The following GFPT2 variants were observed in gnomAD, a reference collection of about 807,000 sequenced individuals.
The protein encoded by GFPT2 is glutamine--fructose-6-phosphate aminotransferase [isomerizing] 2.
GFPT2 carries 62 observed loss-of-function variants against 85.6 expected under a neutral mutation model. That is an observed-to-expected ratio of 0.72 (90% confidence interval 0.59 to 0.90). The LOEUF (loss-of-function observed/expected upper bound fraction) is 0.90. Ranked by LOEUF, GFPT2 falls within the 40% of genes least tolerant of loss-of-function variation. GFPT2 has a pLI of 0.00. For missense variants in GFPT2, 788 were observed against 893.4 expected (o/e 0.88, Z 1.50); for synonymous variants, 368 against 344.5 (o/e 1.07, Z -0.75).
chr5:180,345,534 G>A (rs1283176958), intron 1 of GFPT2, among the ~76,000 whole-genome samples: 2 of 152,260 alleles, frequency 1.3e-5, no homozygotes, highest in African/African-American at 2.4e-5. Flanking sequence ...CATTCTGCAG[G>A]TTTTAGCAGA....
intron 1 of GFPT2, among the ~76,000 whole-genome samples, chr5:180,350,057 C>A (rs1395470014): frequency 6.6e-6 from 1 of 152,120 alleles, no homozygotes; most frequent in Non-Finnish European, 1.5e-5. Context: ...CCACCCCCTC[C>A]TCTCTGCAGG....
chr5:180,350,308 A>G (rs1051569410), intron 1 of GFPT2, among the ~76,000 whole-genome samples: 1 of 152,192 alleles, frequency 6.6e-6, no homozygotes, highest in Admixed American at 6.5e-5. Flanking sequence ...ACTCCCACCT[A>G]CTTATGTGAA....
chr5:180,307,608 C>T (rs899360086), intron 15 of GFPT2, among the ~76,000 whole-genome samples: 1 of 152,158 alleles, frequency 6.6e-6, no homozygotes, highest in African/African-American at 2.4e-5. Context: ...AAATCACCCA[C>T]TGGAGACAGA....
At position 180,328,358 on chromosome 5, in the gene GFPT2, G is replaced by A; in HGVS notation, c.535-20C>T. ...ACCTTCCTGAAAACACACAAACAGTGAGGGTCAACGCGTTCCAGCAGCCGC... is the reference window on the plus strand; with the variant it reads ...ACCTTCCTGAAAACACACAAACAGTAAGGGTCAACGCGTTCCAGCAGCCGC... On this transcript the variant is annotated intron_variant, in intron 6 of 18. Coordinates refer to ENST00000253778, the MANE Select transcript of GFPT2 (RefSeq NM_005110.4). The surrounding 1 kb of genome is among the most constrained non-coding windows in gnomAD (Gnocchi z 5.4). 6.3e-7 allele frequency: 1 copy of A among 1,598,468 alleles called. No individual in the cohort carries two copies. The highest frequency in any genetic ancestry group is 8.6e-7 in the Non-Finnish European group (1 of 1,166,338).
chr5:180,322,128 G>C (rs1326681131), intron 9 of GFPT2, among the ~76,000 whole-genome samples: 1 of 152,108 alleles, frequency 6.6e-6, no homozygotes. Flanking sequence ...AGAATAATTT[G>C]GGTAGAGTCA....
chr5:180,306,043 G>A (rs1763770979), intron 16 of GFPT2, among the ~76,000 whole-genome samples: 1 of 150,504 alleles, frequency 6.6e-6, no homozygotes, highest in Non-Finnish European at 1.5e-5. Context: ...GGAGTGCAGT[G>A]GCATGATCTT....
intron 9 of GFPT2, 97 bp downstream of exon 9, chr5:180,324,091 T>C (rs1457875084): frequency 1.3e-5 from 10 of 762,076 alleles, no homozygotes; most frequent in East Asian, 5.0e-5. Context: ...TGAGCCACGA[T>C]AGCTCACATG....
chr5:180,322,992 A>G (rs1310296716), intron 9 of GFPT2, among the ~76,000 whole-genome samples: 1 of 152,126 alleles, frequency 6.6e-6, no homozygotes, highest in Non-Finnish European at 1.5e-5. Flanking sequence ...CCGAGATCAC[A>G]CCACTGCACT....
At chr5:180,316,903 G>A in intron 11 of GFPT2, 42 bp from the exon 12 acceptor site, 1 of 1,565,818 alleles carries the variant, frequency 6.4e-7, no homozygotes, top group Non-Finnish European at 8.8e-7. Flanking sequence ...AGTCTACACA[G>A]TCACCGCATT....
At chr5:180,349,337 T>A (rs1764667135) in intron 1 of GFPT2, among the ~76,000 whole-genome samples, 1 of 152,144 alleles carries the variant, frequency 6.6e-6, no homozygotes. Flanking sequence ...CTAAATAGTT[T>A]AATTGTTTTA....
At chr5:180,325,350 C>T (rs945997355) in intron 7 of GFPT2, among the ~76,000 whole-genome samples, 1 of 152,214 alleles carries the variant, frequency 6.6e-6, no homozygotes. Context: ...TGTTCCTTCC[C>T]TTCCCCTAGC....
At chr5:180,325,035 C>T (rs1313221310) in intron 7 of GFPT2, 140 bp from the exon 8 acceptor site, 10 of 655,426 alleles carry the variant, frequency 1.5e-5, no homozygotes, top group South Asian at 6.9e-5. Context: ...ACAGGACGGA[C>T]GCCTGGAGCA....
intron 1 of GFPT2, among the ~76,000 whole-genome samples, chr5:180,344,363 C>T (rs1458261364): frequency 2.6e-5 from 4 of 152,068 alleles, no homozygotes; most frequent in Non-Finnish European, 5.9e-5. Context: ...GACATTTCAC[C>T]GTGTGCCATG....
At chr5:180,336,858 G>A (rs555403127) in intron 2 of GFPT2, among the ~76,000 whole-genome samples, 20 of 152,386 alleles carry the variant, frequency 1.3e-4, no homozygotes, top group South Asian at 6.2e-4. Context: ...CGCTGCAGGC[G>A]CTCCCAGGCC....
chr5:180,342,681 CA>C (rs1764541289), intron 1 of GFPT2, among the ~76,000 whole-genome samples: 1 of 152,156 alleles, frequency 6.6e-6, no homozygotes, highest in South Asian at 2.1e-4. Flanking sequence ...CTGGACAGAT[CA>C]TGAGGTCAGG....
chr5:180,351,454 T>G (rs1486030351), intron 1 of GFPT2, among the ~76,000 whole-genome samples: 1 of 146,334 alleles, frequency 6.8e-6, no homozygotes, highest in South Asian at 2.3e-4. Context: ...TCAGCAAATC[T>G]GGGAATTCTG....
At position 180,316,957 on chromosome 5, in the gene GFPT2, A is replaced by G. The variant is rs780588147; in HGVS notation, c.1054+6T>C. The G allele has an allele frequency of 5.0e-6, 8 of 1,588,492 alleles. No homozygotes were observed. The Admixed American group carries it at 1.3e-4, about 26-fold the overall frequency. ...GCGGAGGCTCCCCACCGAGTGTAGG[A>G]ATTACCTGTGTTGGTTTCAAAATTC... On this transcript the variant is annotated splice_donor_region_variant and intron_variant, in intron 11 of 18. Coordinates refer to ENST00000253778, the MANE Select transcript of GFPT2 (RefSeq NM_005110.4).
At chr5:180,351,286 T>C (rs1764705913) in intron 1 of GFPT2, among the ~76,000 whole-genome samples, 1 of 152,214 alleles carries the variant, frequency 6.6e-6, no homozygotes, top group Non-Finnish European at 1.5e-5. Context: ...ACAGGATACT[T>C]AAGCAAGTGT....
In GFPT2 at chr5:180,316,459, C is replaced by T. The variant is rs1209661742; in HGVS notation, c.1155G>A (p.Thr385=). 8 of 1,613,988 alleles carry T rather than the reference C, an allele frequency of 5.0e-6. No homozygotes were observed. Among genetic ancestry groups the T allele is most frequent in the African/African-American group, 1.3e-5 (1 of 74,918 alleles). ...CGTSYHAAVA[T]RQVLEELTEL... ...CAGTCAGTTCCTCCAAAACTTGCCG[C>T]GTCTGAAGCCAACAAGCAAGCATGG... The change falls in exon 13 of 19, where the codon ACG becomes ACA. Residue 385 remains threonine (T), a splice_region_variant and synonymous_variant. Transcript: ENST00000253778.
Sources: gnomAD v4.1 joint callset for allele counts (sites outside exome capture counted in the v4.1 genomes callset) on GRCh38, gnomAD v4.1.1 for gene constraint, Gnocchi (gnomAD v3.1) non-coding constraint, MANE v1.5 for transcripts, NCBI Gene and HGNC (gene_info 2026-07-23, HGNC 2026-07-21) for gene names.